Variants in WDHD1 observed in about 807,000 individuals in gnomAD.
WDHD1 encodes the protein WD repeat and HMG-box DNA binding protein 1.
A neutral mutation model predicts 135.4 loss-of-function variants in WDHD1; 111 were observed. The ratio of observed to expected loss-of-function variants is 0.82; its 90% CI spans 0.70 to 0.96. WDHD1 has a LOEUF of 0.96. Ranked by LOEUF, WDHD1 falls within the 40% of genes least tolerant of loss-of-function variation. The probability of loss-of-function intolerance (pLI) is 0.00; values close to 1 mark genes in which losing one functional copy is unlikely to be tolerated. For synonymous variants in WDHD1, 434 were observed against 439.0 expected (o/e 0.99, Z 0.14); for missense variants, 1,351 against 1,336.3 (o/e 1.01, Z -0.17).
rs571189907 is a variant in WDHD1, at chr14:54,995,261, G to A, written c.1153+342C>T. ...CTCCCAAAGTGCTGGGATTATAGAC[G>A]TGAGCCACCGTGCCCGGCCTTATTG... On this transcript the variant is annotated intron_variant, in intron 11 of 25. Transcript: ENST00000360586. 4.6e-5 allele frequency among the ~76,000 whole-genome samples: 7 copies of A among 152,244 alleles called. No individual in the cohort carries two copies. The South Asian group carries it at 6.2e-4, about 14-fold the overall frequency.
intron 8 of WDHD1, among the ~76,000 whole-genome samples, chr14:55,001,808 A>C (rs1387070572): frequency 6.6e-6 from 1 of 152,262 alleles, no homozygotes; most frequent in Non-Finnish European, 1.5e-5. Context: ...CATGATCACA[A>C]GTCTCAGTGA....
rs138144098 is a variant in WDHD1 at position 54,989,103 on chromosome 14, G to C, written c.1451C>G (p.Thr484Ser). The C allele has an allele frequency of 6.2e-7, 1 of 1,613,820 alleles. No individual in the cohort carries two copies. Among genetic ancestry groups the C allele is most frequent in the South Asian group, 1.1e-5 (1 of 91,064 alleles). ...AAGATCTGCTATTGTATAATTCAAA[G>C]TGTTTGATAAGTGTGTTGCATGGTG... ...SIHHATHLSN[T>S]LNYTIADLSH... The change falls in exon 13 of 26, where the codon ACT (threonine) becomes AGT (serine). Residue 484 changes from threonine to serine, a missense_variant. This residue lies in a region of WDHD1 where 1,330 missense variants were observed against 1,296.1 expected (regional missense o/e 1.03). Transcript: ENST00000360586.
At chr14:55,001,484 G>C (rs2041979918) in intron 8 of WDHD1, among the ~76,000 whole-genome samples, 1 of 151,818 alleles carries the variant, frequency 6.6e-6, no homozygotes, top group Admixed American at 6.6e-5. Context: ...GTTGGTTTCG[G>C]ATTCCTGGCC....
At chr14:55,011,982 C>T (rs919123843) in intron 3 of WDHD1, among the ~76,000 whole-genome samples, 9 of 151,814 alleles carry the variant, frequency 5.9e-5, no homozygotes, top group South Asian at 2.1e-4. Context: ...TTTTAATACA[C>T]GGTATCAATT....
intron 18 of WDHD1, among the ~76,000 whole-genome samples, chr14:54,963,660 C>T (rs1203824191): frequency 2.6e-5 from 4 of 151,976 alleles, no homozygotes; most frequent in East Asian, 1.9e-4. Context: ...ATTAGCCAGG[C>T]GTGGTGGCGT....
At chr14:54,971,712 C>CAAAAAAAAA (rs1195129802) in intron 16 of WDHD1, among the ~76,000 whole-genome samples, 1 of 42,274 alleles carries the variant, frequency 2.4e-5, no homozygotes, top group Non-Finnish European at 4.3e-5. Flanking sequence ...GACTCTGCCT[C>CAAAAAAAAA]AAAAAAAAAA....
At position 54,963,094 on chromosome 14, in the gene WDHD1, T is replaced by C. The variant is rs530548153; in HGVS notation, c.2389A>G (p.Ile797Val). Reference protein sequence around the residue: ...LMTQNAVNLAIKYASRSRKLI... With the variant: ...LMTQNAVNLAVKYASRSRKLI... ...TTCCGAGAGCGAGAAGCATATTTAA[T>C]GGCTAAATTCACAGCATTTTGAGTC... Residue 797 changes from isoleucine (I) to valine (V), a missense_variant, in exon 19 of 26, where the codon ATT (isoleucine) becomes GTT (valine). Coordinates refer to ENST00000360586, the MANE Select transcript of WDHD1 (RefSeq NM_007086.4). The C allele has an allele frequency of 2.5e-6, 4 of 1,577,190 alleles. No individual in the cohort carries two copies. The highest frequency in any genetic ancestry group is 3.4e-6 in the Non-Finnish European group (4 of 1,161,516).
At chr14:55,023,867 T>G (rs892273767) in intron 2 of WDHD1, among the ~76,000 whole-genome samples, 7 of 152,240 alleles carry the variant, frequency 4.6e-5, no homozygotes, top group African/African-American at 1.7e-4. Flanking sequence ...TTATGTTTGT[T>G]TACATTTCTC....
At chr14:54,950,101 C>G (rs2041016613) in intron 24 of WDHD1, among the ~76,000 whole-genome samples, 1 of 152,156 alleles carries the variant, frequency 6.6e-6, no homozygotes, top group Non-Finnish European at 1.5e-5. Flanking sequence ...AGCAAAGTAA[C>G]CAGCTAACAT....
intron 4 of WDHD1, 45 bp downstream of exon 4, chr14:55,010,263 CT>C: frequency 6.9e-7 from 1 of 1,458,914 alleles, no homozygotes; most frequent in Non-Finnish European, 9.1e-7. Context: ...TAAACAAGGC[CT>C]TTTGTTCTAA....
chr14:54,978,347 C>G (rs550758453), intron 16 of WDHD1, among the ~76,000 whole-genome samples: 13 of 152,270 alleles, frequency 8.5e-5, no homozygotes, highest in African/African-American at 3.1e-4. Flanking sequence ...CTTTGGAAGG[C>G]TGATGCAAGA....
chr14:54,953,812 G>A lies in WDHD1; in HGVS notation c.3050+1749C>T, dbSNP rs146433723. Among the ~76,000 whole-genome samples, 447 of 152,234 alleles carry A rather than the reference G, an allele frequency of 2.9e-3. 2 individuals are homozygous for A. The highest frequency in any genetic ancestry group is 0.01 in the African/African-American group (427 of 41,538). On this transcript the variant is annotated intron_variant, in intron 24 of 25. Coordinates refer to ENST00000360586, the MANE Select transcript of WDHD1 (RefSeq NM_007086.4). ...CAGCCATAAAAAAGGATGAATTCAT[G>A]TCCTTTGTAGGGACATGGATGAAAC...
At chr14:54,988,383 G>A (rs1282371791) in intron 13 of WDHD1, among the ~76,000 whole-genome samples, 2 of 152,128 alleles carry the variant, frequency 1.3e-5, no homozygotes, top group African/African-American at 2.4e-5. Flanking sequence ...CAAAAATCTA[G>A]ACTAATAGTT....
At chr14:54,977,823 C>T (rs1256710329) in intron 16 of WDHD1, among the ~76,000 whole-genome samples, 4 of 151,358 alleles carry the variant, frequency 2.6e-5, no homozygotes, top group Non-Finnish European at 5.9e-5. Flanking sequence ...ATGTTACCAG[C>T]TGTAATTATC....
At chr14:54,974,077 C>A (rs1017857876) in intron 16 of WDHD1, among the ~76,000 whole-genome samples, 1 of 150,972 alleles carries the variant, frequency 6.6e-6, no homozygotes, top group South Asian at 2.1e-4. Context: ...CATAAACCAC[C>A]TGGAAGAGGA....
At chr14:55,008,806 T>C in intron 4 of WDHD1, 87 bp from the exon 5 acceptor site, 1 of 1,081,888 alleles carries the variant, frequency 9.2e-7, no homozygotes, top group Non-Finnish European at 1.3e-6. Flanking sequence ...TCTTTTTTTT[T>C]TTTTTTCTTT....
intron 24 of WDHD1, among the ~76,000 whole-genome samples, chr14:54,954,150 G>A (rs1325527342): frequency 6.6e-6 from 1 of 152,036 alleles, no homozygotes; most frequent in Non-Finnish European, 1.5e-5. Flanking sequence ...GCCAGGCATG[G>A]TGGCGTATGC....
chr14:55,001,100 G>A (rs1467697539), intron 8 of WDHD1, 108 bp from the exon 9 acceptor site: 3 of 671,440 alleles, frequency 4.5e-6, no homozygotes, highest in Non-Finnish European at 6.7e-6. Context: ...AGAATTTGGA[G>A]GGGAATCAAC....
At chr14:54,948,159 C>CT (rs1230655173) in intron 24 of WDHD1, among the ~76,000 whole-genome samples, 1 of 152,086 alleles carries the variant, frequency 6.6e-6, no homozygotes, top group Non-Finnish European at 1.5e-5. Flanking sequence ...GCACTTCCAA[C>CT]TGAGGTACCA....
Sources: allele counts gnomAD v4.1 joint callset (sites outside exome capture counted in the v4.1 genomes callset), GRCh38; gene constraint gnomAD v4.1.1; regional missense constraint gnomAD v4.1.1; transcripts MANE v1.5; gene names NCBI Gene and HGNC (gene_info 2026-07-23, HGNC 2026-07-21).